The following WDR17 variants were observed in gnomAD, a reference collection of about 807,000 sequenced individuals.
WDR17 encodes WD repeat domain 17.
Under a neutral mutation model 161.7 loss-of-function variants are expected in WDR17, and 143 were observed. That is an observed-to-expected ratio of 0.88 (90% CI 0.77 to 1.02). WDR17 has a LOEUF of 1.02. Ranked by LOEUF, WDR17 falls within the 50% of genes least tolerant of loss-of-function variation. WDR17 has a pLI of 0.00. For synonymous variants in WDR17, 517 were observed against 515.6 expected, an observed-to-expected ratio of 1.00 and a Z score of -0.04; for missense variants, 1,469 against 1,520.9, an observed-to-expected ratio of 0.97 and a Z score of 0.57.
intron 7 of WDR17, among the ~76,000 whole-genome samples, chr4:176,132,894 G>A (rs983854925): frequency 6.6e-6 from 1 of 151,674 alleles, no homozygotes; most frequent in Non-Finnish European, 1.5e-5. Context: ...TCCTACACTT[G>A]TTTCACTAGA....
rs376943553 is a variant in WDR17 at position 176,115,782 on chromosome 4, A to G, written c.124-14A>G. 7.7e-6 allele frequency: 12 copies of G among 1,555,210 alleles called. No individual in the cohort carries two copies. In the African/African-American group the frequency reaches 1.1e-4, roughly 14 times the overall value. ...AGGAGCACTAAAATATTTTATTTAT[A>G]TATTTTGTTTTAGTTGGATCACCGT... On this transcript the variant is annotated splice_polypyrimidine_tract_variant and intron_variant, in intron 2 of 28. Transcript: ENST00000508596.
At chr4:176,148,686 T>C (rs1368289376) in intron 13 of WDR17, among the ~76,000 whole-genome samples, 1 of 152,208 alleles carries the variant, frequency 6.6e-6, no homozygotes, top group East Asian at 1.9e-4. Flanking sequence ...TCCATTGACA[T>C]CACTCCAGAG....
At chr4:176,139,784 A>G in intron 9 of WDR17, 108 bp from the exon 10 acceptor site, 1 of 859,984 alleles carries the variant, frequency 1.2e-6, no homozygotes, top group Non-Finnish European at 1.8e-6. Context: ...TGTTAGTGTC[A>G]TCTAAAGCAC....
intron 16 of WDR17, among the ~76,000 whole-genome samples, chr4:176,151,173 T>G (rs2126816939): frequency 6.6e-6 from 1 of 152,344 alleles, no homozygotes; most frequent in African/African-American, 2.4e-5. Context: ...AGGAAGTTAC[T>G]TTCTTTAATC....
At chr4:176,176,827 C>G (rs1751517214) in intron 26 of WDR17, among the ~76,000 whole-genome samples, 1 of 151,366 alleles carries the variant, frequency 6.6e-6, no homozygotes, top group South Asian at 2.1e-4. Flanking sequence ...CACTCATTTA[C>G]TCATCCACCC....
chr4:176,120,200 A>G, intron 4 of WDR17, 103 bp downstream of exon 4: 3 of 777,428 alleles, frequency 3.9e-6, no homozygotes, highest in Non-Finnish European at 5.9e-6. Context: ...TGTGAATAAA[A>G]CCAAAAGTGA....
Position 176,096,661 on chromosome 4 carries a change from G to C in WDR17, c.-6-14914G>C, listed in dbSNP as rs1430148732. 4 of 1,201,684 alleles carry C rather than the reference G, an allele frequency of 3.3e-6. No homozygotes were observed. The African/African-American group carries it at 4.7e-5, about 14-fold the overall frequency. The allele number at this position is 1,201,684 out of a possible 1,614,324, so 74.4% of individuals were successfully genotyped here. ...TTGCTTCTCATATAGTTTTATATCT[G>C]TGTCATTTATATCGTGGACATTTTC... On this transcript the variant is annotated intron_variant, in intron 1 of 28. Coordinates refer to ENST00000508596, the MANE Select transcript of WDR17 (RefSeq NM_181265.4).
At position 176,120,071 on chromosome 4, in the gene WDR17, A is replaced by T. The variant is rs1293614752; in HGVS notation, c.512A>T (p.Asp171Val). ...QKGKVVFGHIDGSLSIFHPGN... is the reference protein window; with the variant it reads ...QKGKVVFGHIVGSLSIFHPGN... ...GGGAAAGTTGTGTTTGGTCATATTG[A>T]TGGAAGTCTATCAATTTTTCATCCA... Residue 171 changes from aspartate to valine, a missense_variant, in exon 4 of 29, where the codon GAT becomes GTT. Asp to Val is a radical substitution (Grantham distance 152). Coordinates refer to ENST00000508596, the MANE Select transcript of WDR17 (RefSeq NM_181265.4). 3 of 1,613,624 alleles carry T rather than the reference A, an allele frequency of 1.9e-6. No homozygotes were observed. The highest frequency in any genetic ancestry group is 2.5e-6 in the Non-Finnish European group (3 of 1,179,706).
chr4:176,173,007 A>T (rs970984455), intron 24 of WDR17, among the ~76,000 whole-genome samples: 1 of 152,202 alleles, frequency 6.6e-6, no homozygotes, highest in Non-Finnish European at 1.5e-5. Context: ...CATCCAAACT[A>T]TATCAATGAT....
At chr4:176,176,652 C>G (rs1310979628) in intron 26 of WDR17, among the ~76,000 whole-genome samples, 2 of 152,210 alleles carry the variant, frequency 1.3e-5, no homozygotes, top group African/African-American at 4.8e-5. Flanking sequence ...GAATTCAAAT[C>G]ATCTTTCTTC....
intron 2 of WDR17, among the ~76,000 whole-genome samples, chr4:176,115,266 T>A (rs1160480042): frequency 1.3e-5 from 2 of 152,004 alleles, no homozygotes; most frequent in Non-Finnish European, 2.9e-5. Flanking sequence ...TTAGGCTGTT[T>A]ATTTTTTCTA....
Position 176,130,677 on chromosome 4 carries a change from G to A in WDR17, c.914-877G>A, listed in dbSNP as rs540100010. 1.1e-4 allele frequency among the ~76,000 whole-genome samples: 17 copies of A among 151,292 alleles called. 1 individual carries two copies. Among genetic ancestry groups the A allele is most frequent in the Admixed American group, 2.6e-4 (4 of 15,210 alleles). On this transcript the variant is annotated intron_variant, in intron 6 of 28. Transcript: ENST00000508596. ...AGAGAATGGCGTCAACCTGGGAGGC[G>A]GAGCTTGCAGTGAGCCGAGATCATG...
At chr4:176,147,126 A>G (rs1746312194) in intron 12 of WDR17, among the ~76,000 whole-genome samples, 1 of 152,108 alleles carries the variant, frequency 6.6e-6, no homozygotes, top group Non-Finnish European at 1.5e-5. Flanking sequence ...CAGCCTCCCA[A>G]AGTGCTGGGA....
At chr4:176,152,595 CAAAAAAAAA>C (rs34451055) in intron 17 of WDR17, among the ~76,000 whole-genome samples, 13 of 37,248 alleles carry the variant, frequency 3.5e-4, no homozygotes, top group African/African-American at 1.4e-3. Flanking sequence ...AACTCCATCT[CAAAAAAAAA>C]AAAAAAAAAA....
chr4:176,094,296 A>T (rs901249412), intron 1 of WDR17, among the ~76,000 whole-genome samples: 2 of 152,180 alleles, frequency 1.3e-5, no homozygotes, highest in Non-Finnish European at 2.9e-5. Flanking sequence ...AATTCACTCA[A>T]CATACATTTT....
At chr4:176,127,578 G>T (rs570192467) in intron 5 of WDR17, among the ~76,000 whole-genome samples, 3 of 152,312 alleles carry the variant, frequency 2.0e-5, no homozygotes, top group African/African-American at 7.2e-5. Context: ...ATACAGGCAT[G>T]AGCCATCATG....
At chr4:176,089,201 C>T (rs983290332) in intron 1 of WDR17, among the ~76,000 whole-genome samples, 1 of 151,268 alleles carries the variant, frequency 6.6e-6, no homozygotes, top group Non-Finnish European at 1.5e-5. Context: ...TACTCATTAG[C>T]ATAATTAGCA....
At chr4:176,160,817 T>A in intron 19 of WDR17, 94 bp from the exon 20 acceptor site, 1 of 1,000,794 alleles carries the variant, frequency 1.0e-6, no homozygotes, top group Admixed American at 2.8e-5. Context: ...ATTTCAAACA[T>A]TATTTAAGTA....
In WDR17 at chr4:176,139,900, A is replaced by G. The variant is rs1463538238; in HGVS notation, c.1368A>G (p.Thr456=). ...KIIQRFNEHG[T]NGIFCIAWSH... is the part of the protein sequence containing the mutation. ...TTTTACATTTTTTGAAGCATGGAAC[A>G]AATGGAATATTCTGCATTGCCTGGA... The change falls in exon 10 of 29, where the codon ACA becomes ACG. Residue 456 remains threonine (T), a synonymous_variant. Transcript: ENST00000508596. 6.2e-7 allele frequency: 1 copy of G among 1,608,168 alleles called. No individual in the cohort carries two copies. Among genetic ancestry groups the G allele is most frequent in the South Asian group, 1.1e-5 (1 of 89,672 alleles).
Sources: gnomAD v4.1 joint callset for allele counts (sites outside exome capture counted in the v4.1 genomes callset) on GRCh38, gnomAD v4.1.1 for gene constraint, MANE v1.5 for transcripts, NCBI Gene and HGNC (gene_info 2026-07-23, HGNC 2026-07-21) for gene names.